Variants in RTTN observed in about 807,000 individuals in gnomAD.
RTTN encodes the protein rotatin.
RTTN carries 182 observed loss-of-function variants against 269.2 expected under a neutral mutation model. The ratio of observed to expected loss-of-function variants is 0.68; its 90% CI spans 0.60 to 0.76. RTTN has a LOEUF of 0.76. RTTN is among the 30% of genes least tolerant of loss of function. The probability of loss-of-function intolerance (pLI) is 0.00; values close to 1 mark genes in which losing one functional copy is unlikely to be tolerated. For synonymous variants in RTTN, 1,006 were observed against 963.5 expected (o/e 1.04, Z -0.82); for missense variants, 2,545 against 2,608.6 (o/e 0.98, Z 0.53).
chr18:70,038,903 CAG>C (rs1407754681), intron 40 of RTTN, among the ~76,000 whole-genome samples: 4 of 152,014 alleles, frequency 2.6e-5, no homozygotes, highest in East Asian at 1.9e-4. Flanking sequence ...AAGAATGAAA[CAG>C]AAATTCTGGA....
intron 46 of RTTN, among the ~76,000 whole-genome samples, chr18:70,015,989 G>A (rs537470070): frequency 4.5e-4 from 69 of 152,268 alleles, no homozygotes; most frequent in Non-Finnish European, 4.6e-4. Flanking sequence ...GAGGGCTGAA[G>A]CAGCTACAGT....
intron 11 of RTTN, among the ~76,000 whole-genome samples, chr18:70,171,749 T>C (rs960844648): frequency 1.3e-5 from 2 of 152,222 alleles, no homozygotes; most frequent in African/African-American, 4.8e-5. Context: ...AAATGTTTCC[T>C]GTAAACTAGC....
chr18:70,127,527 A>AG lies in RTTN; in HGVS notation c.3357dup (p.Ala1121GlyfsTer18). 6.2e-7 allele frequency: 1 copy of AG among 1,613,440 alleles called. No individual in the cohort carries two copies. Among genetic ancestry groups the AG allele is most frequent in the East Asian group, 2.2e-5 (1 of 44,862 alleles). On this transcript the variant is annotated frameshift_variant, in exon 25 of 49. Transcript: ENST00000640769. LOFTEE classifies it high-confidence loss of function. ...CTGTTTAGTGCGGTGTGCCAAGCCA[A>AG]GGACTTCAAGGTAACCCCACATGGA...
At chr18:70,203,348 G>A (rs866295510) in intron 3 of RTTN, among the ~76,000 whole-genome samples, 5 of 151,722 alleles carry the variant, frequency 3.3e-5, no homozygotes, top group East Asian at 1.9e-4. Context: ...GATTACAGGC[G>A]CCCGCCACTA....
At chr18:70,133,250 A>C (rs1281251746) in intron 23 of RTTN, among the ~76,000 whole-genome samples, 1 of 152,170 alleles carries the variant, frequency 6.6e-6, no homozygotes, top group Admixed American at 6.6e-5. Context: ...TTATTTAGCC[A>C]AACTAAACAC....
intron 4 of RTTN, among the ~76,000 whole-genome samples, chr18:70,200,015 G>C (rs1052936818): frequency 2.0e-5 from 3 of 152,154 alleles, no homozygotes; most frequent in African/African-American, 4.8e-5. Flanking sequence ...ATCAGTGTTC[G>C]AACAAGATTA....
At position 70,142,398 on chromosome 18, in the gene RTTN, A is replaced by G. The variant is rs2060280764; in HGVS notation, c.2482-11T>C. 9.1e-7 allele frequency: 1 copy of G among 1,097,052 alleles called. No individual in the cohort carries two copies. Among genetic ancestry groups the G allele is most frequent in the Non-Finnish European group, 1.3e-6 (1 of 779,090 alleles). The allele number at this position is 1,097,052 out of a possible 1,614,324, so 68.0% of individuals were successfully genotyped here. A position where few individuals can be genotyped will look rare whatever the true frequency, so the allele number is the denominator to read the frequency against. ...TTCAACAGTCTCCAACTACAAACCA[A>G]AAAAAAAAAAAAACCAAAATTACAT... On this transcript the variant is annotated splice_polypyrimidine_tract_variant and intron_variant, in intron 18 of 48. Coordinates refer to ENST00000640769, the MANE Select transcript of RTTN (RefSeq NM_173630.4).
Position 70,135,224 on chromosome 18 carries a change from A to T in RTTN, c.2845T>A (p.Cys949Ser). 1 of 1,543,508 alleles carries T rather than the reference A, an allele frequency of 6.5e-7. No individual in the cohort carries two copies. The highest frequency in any genetic ancestry group is 1.2e-5 in the South Asian group (1 of 81,570). ...SVVTEVGALF[C>S]LLLFDEVSRM... ...GATACTTCATCAAATAATAGAAGAC[A>T]AAATAGTGCTCCAACTTCAGTCACG... Residue 949 changes from cysteine to serine, a missense_variant, in exon 22 of 49, where the codon TGT becomes AGT. Transcript: ENST00000640769.
At chr18:70,093,047 A>T (rs2058894615) in intron 28 of RTTN, among the ~76,000 whole-genome samples, 1 of 152,214 alleles carries the variant, frequency 6.6e-6, no homozygotes, top group African/African-American at 2.4e-5. Context: ...ACTTTAAAAA[A>T]GAAAAAAATT....
chr18:70,202,053 A>G, intron 3 of RTTN, 70 bp from the exon 4 acceptor site: 1 of 876,206 alleles, frequency 1.1e-6, no homozygotes, highest in South Asian at 1.7e-5. Context: ...ACTTTCTTTA[A>G]GTGGTAATGT....
chr18:70,096,412 TG>T (rs1224993023), intron 28 of RTTN, among the ~76,000 whole-genome samples: 2 of 152,380 alleles, frequency 1.3e-5, no homozygotes, highest in East Asian at 3.9e-4. Context: ...ATTTTTGCAC[TG>T]GGTTTTCCTC....
chr18:70,158,737 G>A (rs936633293), intron 14 of RTTN, among the ~76,000 whole-genome samples: 1 of 152,124 alleles, frequency 6.6e-6, no homozygotes, highest in South Asian at 2.1e-4. Flanking sequence ...CAAAGTAATA[G>A]AATGGAGATA....
At chr18:70,183,296 G>A (rs2037386016) in intron 10 of RTTN, among the ~76,000 whole-genome samples, 1 of 152,316 alleles carries the variant, frequency 6.6e-6, no homozygotes, top group Non-Finnish European at 1.5e-5. Flanking sequence ...GGAGAGCTAT[G>A]CAAAGAAAGA....
chr18:70,081,473 A>G (rs1599433092), intron 32 of RTTN, among the ~76,000 whole-genome samples: 1 of 152,326 alleles, frequency 6.6e-6, no homozygotes, highest in African/African-American at 2.4e-5. Context: ...TTACTAAGTA[A>G]TCAAAGTTAG....
At chr18:70,163,238 T>G (rs1257244832) in intron 14 of RTTN, among the ~76,000 whole-genome samples, 4 of 151,804 alleles carry the variant, frequency 2.6e-5, no homozygotes, top group Non-Finnish European at 5.9e-5. Context: ...AAAACTTAGC[T>G]GGGCATGGTG....
chr18:70,196,040 T>TA (rs1224910661), intron 7 of RTTN, among the ~76,000 whole-genome samples: 3 of 152,238 alleles, frequency 2.0e-5, no homozygotes, highest in African/African-American at 7.2e-5. Flanking sequence ...TAGGTGGCAC[T>TA]TTTTCTCTGA....
chr18:70,144,107 A>G lies in RTTN; in HGVS notation c.2481+1505T>C. On this transcript the variant is annotated intron_variant, in intron 18 of 48. Coordinates refer to ENST00000640769, the MANE Select transcript of RTTN (RefSeq NM_173630.4). ...AGTGGTCCACCCATCTCAGCCTCCCATAGTGCTGGGATTACAGGCAAGAGC... is the reference window on the plus strand; with the variant it reads ...AGTGGTCCACCCATCTCAGCCTCCCGTAGTGCTGGGATTACAGGCAAGAGC... Among the ~76,000 whole-genome samples, 2 of 152,100 alleles carry G rather than the reference A, an allele frequency of 1.3e-5. 1 individual carries two copies. Among genetic ancestry groups the G allele is most frequent in the Non-Finnish European group, 2.9e-5 (2 of 68,002 alleles).
chr18:70,201,384 C>T (rs1280196175), intron 4 of RTTN, among the ~76,000 whole-genome samples: 4 of 151,630 alleles, frequency 2.6e-5, no homozygotes, highest in African/African-American at 9.7e-5. Context: ...GGGCGGATCA[C>T]GAGGTCAGGA....
rs761126132 is a variant in RTTN at position 70,092,175 on chromosome 18, C to T, written c.4078G>A (p.Glu1360Lys). The T allele has an allele frequency of 1.9e-6, 3 of 1,613,594 alleles. No individual in the cohort carries two copies. Among genetic ancestry groups the T allele is most frequent in the Non-Finnish European group, 2.5e-6 (3 of 1,179,630 alleles). ...AATCCTTGTTGAGTAGGAATATGTT[C>T]TTCACTATGACTACCCAAAGGCAAG... ...WFLPLGSHSE[E>K]HIPTQQGLAW... Residue 1360 changes from glutamate (E) to lysine (K), a missense_variant, in exon 30 of 49, where the codon GAA becomes AAA. Transcript: ENST00000640769.
Sources: allele counts gnomAD v4.1 joint callset (sites outside exome capture counted in the v4.1 genomes callset), GRCh38; gene constraint gnomAD v4.1.1; transcripts MANE v1.5; gene names NCBI Gene and HGNC (gene_info 2026-07-23, HGNC 2026-07-21).